The following DOCK4 variants were observed in gnomAD, a reference collection of about 807,000 sequenced individuals.
DOCK4 encodes the protein dedicator of cytokinesis 4.
A neutral mutation model predicts 268.1 loss-of-function variants in DOCK4; 97 were observed. That is an observed-to-expected ratio of 0.36 (90% CI 0.31 to 0.43). The LOEUF is 0.43. Among genes scored for constraint, DOCK4 ranks in the 20% least tolerant of loss-of-function variants. The probability of loss-of-function intolerance (pLI) is 1.00; values close to 1 mark genes in which losing one functional copy is unlikely to be tolerated. For synonymous variants in DOCK4, 954 were observed against 887.2 expected, an observed-to-expected ratio of 1.08 and a Z score of -1.34; for missense variants, 2,145 against 2,455.7, an observed-to-expected ratio of 0.87 and a Z score of 2.67.
chr7:111,879,518 T>C (rs1221774349), intron 16 of DOCK4, among the ~76,000 whole-genome samples: 10 of 152,286 alleles, frequency 6.6e-5, no homozygotes, highest in South Asian at 2.1e-4. Context: ...AAGTAGGCTC[T>C]TGGGGTCCCC....
chr7:112,183,929 C>T (rs1224987205), intron 1 of DOCK4, among the ~76,000 whole-genome samples: 2 of 152,066 alleles, frequency 1.3e-5, no homozygotes, highest in Non-Finnish European at 2.9e-5. Flanking sequence ...CCTACAGTAC[C>T]TTCTCAACTC....
At chr7:111,943,704 AAAC>A (rs1795381249) in intron 10 of DOCK4, among the ~76,000 whole-genome samples, 1 of 152,254 alleles carries the variant, frequency 6.6e-6, no homozygotes, top group Non-Finnish European at 1.5e-5. Context: ...AGAAAAATGA[AAAC>A]AAAACCAAAA....
intron 1 of DOCK4, among the ~76,000 whole-genome samples, chr7:112,059,873 C>A (rs73434630): frequency 0.017 from 2,609 of 152,246 alleles, 77 homozygotes; most frequent in African/African-American, 0.059. Context: ...TTACTGCTCT[C>A]AAAGTCTATA....
Position 111,728,226 on chromosome 7 carries a change from A to G in DOCK4, c.*48T>C. On this transcript the variant is annotated 3_prime_UTR_variant, in exon 53 of 53. Coordinates refer to ENST00000428084, the MANE Select transcript of DOCK4 (RefSeq NM_001363540.2). Reference sequence around the variant, plus strand: ...TAAATGTCTTCTCATCATACTTCTTATTTTGTAAACGGGCAAAGAATGCAT... The same window carrying G: ...TAAATGTCTTCTCATCATACTTCTTGTTTTGTAAACGGGCAAAGAATGCAT... The G allele has an allele frequency of 5.1e-6, 7 of 1,380,630 alleles. No individual in the cohort carries two copies. The highest frequency in any genetic ancestry group is 6.6e-6 in the Non-Finnish European group (7 of 1,052,662). 85.5% of individuals were successfully genotyped at this position (1,380,630 alleles called of 1,614,324 possible).
intron 23 of DOCK4, among the ~76,000 whole-genome samples, chr7:111,852,948 G>A (rs1804700676): frequency 6.6e-6 from 1 of 152,186 alleles, no homozygotes; most frequent in Non-Finnish European, 1.5e-5. Context: ...AATCTGCCGT[G>A]CAGGTTCTCT....
At chr7:111,872,434 C>A (rs1436048149) in intron 18 of DOCK4, 33 bp downstream of exon 18, 7 of 1,543,640 alleles carry the variant, frequency 4.5e-6, no homozygotes, top group Non-Finnish European at 6.1e-6. Flanking sequence ...CTATGAATCT[C>A]TGCAAGGAAA....
At chr7:112,142,530 C>A (rs932839999) in intron 1 of DOCK4, among the ~76,000 whole-genome samples, 11 of 152,126 alleles carry the variant, frequency 7.2e-5, no homozygotes, top group Admixed American at 6.6e-4. Context: ...TAATGAATGG[C>A]CTTGCTGGGC....
chr7:112,017,918 A>G (rs1200172139), intron 1 of DOCK4, among the ~76,000 whole-genome samples: 1 of 152,064 alleles, frequency 6.6e-6, no homozygotes, highest in Non-Finnish European at 1.5e-5. Flanking sequence ...TACATATGGT[A>G]CTTGTAAACC....
chr7:111,982,941 T>C (rs1341132993), intron 7 of DOCK4, among the ~76,000 whole-genome samples: 1 of 152,244 alleles, frequency 6.6e-6, no homozygotes, highest in Non-Finnish European at 1.5e-5. Context: ...TTATGTAAGC[T>C]AAGAGGCAGT....
intron 1 of DOCK4, among the ~76,000 whole-genome samples, chr7:112,171,316 A>G (rs1157346551): frequency 6.6e-6 from 1 of 152,260 alleles, no homozygotes; most frequent in African/African-American, 2.4e-5. Context: ...TAGACTGGCT[A>G]TTGAAAGGAA....
intron 36 of DOCK4, among the ~76,000 whole-genome samples, chr7:111,771,507 C>T (rs143059058): frequency 1.4e-4 from 22 of 152,170 alleles, no homozygotes; most frequent in African/African-American, 4.8e-4. Context: ...AGTTAACTGG[C>T]GGACACAGAC....
intron 1 of DOCK4, among the ~76,000 whole-genome samples, chr7:112,165,103 G>A (rs1817473068): frequency 1.3e-5 from 2 of 152,106 alleles, no homozygotes; most frequent in Non-Finnish European, 2.9e-5. Context: ...TTATTTTTAT[G>A]TGTACAAGTT....
intron 39 of DOCK4, 97 bp from the exon 40 acceptor site, chr7:111,760,419 C>T (rs553679804): frequency 3.9e-6 from 5 of 1,274,484 alleles, no homozygotes; most frequent in African/African-American, 1.5e-5. Context: ...GACCACATGC[C>T]CCATACCAAG....
intron 23 of DOCK4, among the ~76,000 whole-genome samples, chr7:111,859,630 G>T (rs1027332490): frequency 2.0e-5 from 3 of 147,632 alleles, no homozygotes; most frequent in Non-Finnish European, 4.5e-5. Flanking sequence ...TGCAGTGGCG[G>T]GATCTCGGCT....
At chr7:112,014,896 T>A (rs189750393) in intron 1 of DOCK4, among the ~76,000 whole-genome samples, 2 of 151,756 alleles carry the variant, frequency 1.3e-5, no homozygotes, top group Admixed American at 6.6e-5. Context: ...CAGAGTGAGA[T>A]CCTGTCTCGA....
chr7:112,004,774 C>A (rs1245021899), intron 1 of DOCK4, among the ~76,000 whole-genome samples: 1 of 152,172 alleles, frequency 6.6e-6, no homozygotes, highest in Non-Finnish European at 1.5e-5. Flanking sequence ...ACAGCCACCA[C>A]AATTCCCACT....
intron 8 of DOCK4, among the ~76,000 whole-genome samples, chr7:111,950,294 A>G (rs1795956372): frequency 6.6e-6 from 1 of 152,250 alleles, no homozygotes; most frequent in African/African-American, 2.4e-5. Context: ...TTGTGGCCAC[A>G]CAGAAATATG....
At chr7:112,120,299 G>C (rs777840890) in intron 1 of DOCK4, among the ~76,000 whole-genome samples, 1 of 152,030 alleles carries the variant, frequency 6.6e-6, no homozygotes, top group Non-Finnish European at 1.5e-5. Context: ...CATCCACTGG[G>C]CCACATGTCA....
chr7:111,844,348 T>C (rs1336866757), intron 25 of DOCK4, among the ~76,000 whole-genome samples: 2 of 152,256 alleles, frequency 1.3e-5, no homozygotes, highest in African/African-American at 4.8e-5. Context: ...CCTAGAAAAG[T>C]TACGATTCTG....
Sources: gnomAD v4.1 joint callset for allele counts (sites outside exome capture counted in the v4.1 genomes callset) on GRCh38, gnomAD v4.1.1 for gene constraint, MANE v1.5 for transcripts, NCBI Gene and HGNC (gene_info 2026-07-23, HGNC 2026-07-21) for gene names.